Variants in SLC24A2 observed in about 807,000 individuals in gnomAD.
SLC24A2 encodes the protein sodium/potassium/calcium exchanger 2.
In SLC24A2, 36 loss-of-function variants were observed where a neutral mutation model predicts 62.0. The observed-to-expected ratio is 0.58, with a 90% CI of 0.44 to 0.77. The LOEUF (loss-of-function observed/expected upper bound fraction) is 0.77. SLC24A2 is among the 30% of genes least tolerant of loss of function. The pLI is 0.00. For synonymous variants in SLC24A2, 358 were observed against 294.0 expected (o/e 1.22, Z -2.23); for missense variants, 846 against 817.9 (o/e 1.03, Z -0.42).
the SLC24A2 span, among the ~76,000 whole-genome samples, chr9:20,031,036 T>C: frequency 1.3e-5 from 2 of 152,168 alleles, no homozygotes; most frequent in South Asian, 2.1e-4. Flanking sequence ...ACATCATGTA[T>C]GCTGTGATAA....
chr9:19,960,404 C>T, the SLC24A2 span, among the ~76,000 whole-genome samples: 14 of 152,134 alleles, frequency 9.2e-5, no homozygotes, highest in Non-Finnish European at 1.6e-4. Context: ...ACTGTGCATT[C>T]GTGTGTAATG....
At chr9:19,822,328 C>A in the SLC24A2 span, among the ~76,000 whole-genome samples, 39 of 152,226 alleles carry the variant, frequency 2.6e-4, no homozygotes, top group African/African-American at 9.1e-4. Context: ...CACCTATGGA[C>A]CAGACAGTGC....
the SLC24A2 span, among the ~76,000 whole-genome samples, chr9:20,164,563 G>A: frequency 2.0e-5 from 3 of 150,738 alleles, no homozygotes; most frequent in Non-Finnish European, 4.4e-5. Flanking sequence ...AACCATTGTG[G>A]AAGTCAGTGT....
chr9:19,526,399 A>G (rs911359978), intron 9 of SLC24A2, among the ~76,000 whole-genome samples: 2 of 152,150 alleles, frequency 1.3e-5, no homozygotes, highest in Admixed American at 6.5e-5. Context: ...TGGTAACTCT[A>G]TGTTTAATGT....
chr9:19,908,699 G>C, the SLC24A2 span, among the ~76,000 whole-genome samples: 33 of 152,242 alleles, frequency 2.2e-4, 1 homozygote, highest in East Asian at 5.6e-3. Context: ...TTCAAAAGAA[G>C]ACATTTATGC....
At chr9:19,658,879 G>A (rs930919203) in intron 2 of SLC24A2, among the ~76,000 whole-genome samples, 1 of 152,156 alleles carries the variant, frequency 6.6e-6, no homozygotes, top group African/African-American at 2.4e-5. Context: ...ACAGCCACAG[G>A]TATCAGAGGG....
At chr9:20,171,239 C>A in the SLC24A2 span, among the ~76,000 whole-genome samples, 1 of 151,916 alleles carries the variant, frequency 6.6e-6, no homozygotes, top group African/African-American at 2.4e-5. Context: ...TGAAACAAAT[C>A]CTGGAAACAC....
At chr9:19,679,022 G>A (rs760387613) in intron 2 of SLC24A2, among the ~76,000 whole-genome samples, 14 of 152,186 alleles carry the variant, frequency 9.2e-5, no homozygotes, top group Non-Finnish European at 1.9e-4. Flanking sequence ...ATGACCAGAT[G>A]TTCAGGTTCT....
At chr9:20,158,036 A>G in the SLC24A2 span, among the ~76,000 whole-genome samples, 1 of 151,714 alleles carries the variant, frequency 6.6e-6, no homozygotes, top group Non-Finnish European at 1.5e-5. Context: ...AACCATAACT[A>G]AACTCCAAAA....
the SLC24A2 span, among the ~76,000 whole-genome samples, chr9:19,830,577 C>G: frequency 1.3e-5 from 2 of 152,136 alleles, no homozygotes; most frequent in Non-Finnish European, 2.9e-5. Context: ...TGGTATATTT[C>G]AGGGTAGAAT....
At chr9:19,904,039 A>C in the SLC24A2 span, among the ~76,000 whole-genome samples, 4 of 152,194 alleles carry the variant, frequency 2.6e-5, no homozygotes, top group Non-Finnish European at 5.9e-5. Flanking sequence ...GACAAGTCAT[A>C]CCTCAGTGGT....
intron 4 of SLC24A2, among the ~76,000 whole-genome samples, chr9:19,604,925 T>G (rs1259280045): frequency 1.3e-5 from 2 of 152,226 alleles, no homozygotes; most frequent in Admixed American, 6.5e-5. Context: ...GGAATAAATT[T>G]AAAGTAGAAT....
chr9:19,636,298 T>TTTCCTTTCCTTTCCTTTC (rs1818318249), intron 2 of SLC24A2, among the ~76,000 whole-genome samples: 1 of 42,432 alleles, frequency 2.4e-5, no homozygotes, highest in African/African-American at 9.0e-5. Flanking sequence ...TCTTTTCTTT[T>TTTCCTTTCCTTTCCTTTC]CTTTTCTTTT....
chr9:20,224,263 ATGTC>A, the SLC24A2 span, among the ~76,000 whole-genome samples: 1 of 152,044 alleles, frequency 6.6e-6, no homozygotes, highest in South Asian at 2.1e-4. Context: ...ATAAGGTAGA[ATGTC>A]TTTATGTCTT....
the SLC24A2 span, among the ~76,000 whole-genome samples, chr9:20,283,047 G>C: frequency 2.6e-4 from 40 of 152,268 alleles, no homozygotes; most frequent in African/African-American, 9.1e-4. Context: ...CCATCTCCCA[G>C]ATAAGTCACA....
At chr9:19,660,628 G>A (rs1311441065) in intron 2 of SLC24A2, among the ~76,000 whole-genome samples, 1 of 152,178 alleles carries the variant, frequency 6.6e-6, no homozygotes, top group African/African-American at 2.4e-5. Flanking sequence ...TGCAGTAACA[G>A]GGAAAGCACT....
the SLC24A2 span, among the ~76,000 whole-genome samples, chr9:20,012,759 C>T: frequency 1.3e-5 from 2 of 151,850 alleles, no homozygotes; most frequent in African/African-American, 4.8e-5. Context: ...AGGAAAGAAA[C>T]AATAAATCAT....
chr9:20,252,161 G>T, the SLC24A2 span, among the ~76,000 whole-genome samples: 1 of 152,288 alleles, frequency 6.6e-6, no homozygotes, highest in Middle Eastern at 3.4e-3. Flanking sequence ...GACTGCTATG[G>T]ACAATGAGAA....
At chr9:20,029,241 TG>T in the SLC24A2 span, among the ~76,000 whole-genome samples, 1 of 152,198 alleles carries the variant, frequency 6.6e-6, no homozygotes, top group Non-Finnish European at 1.5e-5. Flanking sequence ...CATGCCTGGC[TG>T]GGGGACAGCA....
Sources: allele counts gnomAD v4.1 joint callset (sites outside exome capture counted in the v4.1 genomes callset), GRCh38; gene constraint gnomAD v4.1.1; transcripts MANE v1.5; gene names NCBI Gene and HGNC (gene_info 2026-07-23, HGNC 2026-07-21).